The following LRP2 variants were observed in gnomAD, a reference collection of about 807,000 sequenced individuals.
The protein encoded by LRP2 is low-density lipoprotein receptor-related protein 2.
Under a neutral mutation model 531.0 loss-of-function variants are expected in LRP2, and 172 were observed. The ratio of observed to expected loss-of-function variants is 0.32; its 90% CI spans 0.29 to 0.37. The LOEUF (loss-of-function observed/expected upper bound fraction) is 0.37, where lower values mean the gene tolerates loss of function less well. Ranked by LOEUF, LRP2 falls within the 10% of genes least tolerant of loss-of-function variation. The pLI is 1.00. For synonymous variants in LRP2, 1,992 were observed against 2,027.6 expected, an observed-to-expected ratio of 0.98 and a Z score of 0.47; for missense variants, 5,167 against 5,868.3, an observed-to-expected ratio of 0.88 and a Z score of 3.90.
chr2:169,170,693 G>A (rs1333620572), intron 58 of LRP2, 26 bp from the exon 59 acceptor site: 2 of 1,486,462 alleles, frequency 1.3e-6, no homozygotes, highest in Admixed American at 3.3e-5. Context: ...ACCTGGCCAT[G>A]AGTGTGCACC....
intron 1 of LRP2, among the ~76,000 whole-genome samples, chr2:169,355,589 C>G (rs1685966949): frequency 6.6e-6 from 1 of 152,326 alleles, no homozygotes; most frequent in South Asian, 2.1e-4. Context: ...CCCTGAGATG[C>G]AACTGAAACT....
chr2:169,237,620 A>G (rs868401958), intron 27 of LRP2, among the ~76,000 whole-genome samples: 11 of 152,256 alleles, frequency 7.2e-5, no homozygotes, highest in African/African-American at 2.7e-4. Flanking sequence ...TAGTGTTTGC[A>G]TGCAACGAAT....
rs1240361382 is a variant in LRP2, at chr2:169,206,748, T to C, written c.6972A>G (p.Arg2324=). Residue 2324 remains arginine, a synonymous_variant, in exon 39 of 79, where the codon AGA becomes AGG. Coordinates refer to ENST00000649046, the MANE Select transcript of LRP2 (RefSeq NM_004525.3). ...TVIRDNINWL[R]DVTIFDKQVQ... ...CTTGCTTGTCAAAGATGGTCACATC[T>C]CTTAGCCAGTTGATATTGTCTCTTA... 6 of 1,614,050 alleles carry C rather than the reference T, an allele frequency of 3.7e-6. No homozygotes were observed. Among genetic ancestry groups the C allele is most frequent in the African/African-American group, 1.3e-5 (1 of 74,922 alleles).
intron 1 of LRP2, among the ~76,000 whole-genome samples, chr2:169,336,536 T>TCACA (rs61573424): frequency 0.079 from 11,543 of 145,952 alleles, 481 homozygotes; most frequent in Middle Eastern, 0.094. Context: ...CAAGACTCCA[T>TCACA]CACACACACA....
chr2:169,233,492 C>T lies in LRP2; in HGVS notation c.5017G>A (p.Gly1673Arg). ...TACATTACAACTGACTGGTTCCCTC[C>T]ATGCCACTTGTTGGCTCGCATAACC... ...RRVMRANKWH[G>R]GNQSVVMYNI... Residue 1673 changes from glycine (G) to arginine (R), a missense_variant, in exon 30 of 79, where the codon GGA becomes AGA. By Grantham distance (125) the Gly-to-Arg change is moderately radical. Around this residue, in one of 6 missense-constraint regions of LRP2, gnomAD observed 2,811 missense variants for 3,058.0 expected, o/e 0.92. Coordinates refer to ENST00000649046, the MANE Select transcript of LRP2 (RefSeq NM_004525.3). 1 of 1,614,148 alleles carries T rather than the reference C, an allele frequency of 6.2e-7. No individual in the cohort carries two copies. The highest frequency in any genetic ancestry group is 2.2e-5 in the East Asian group (1 of 44,878).
intron 60 of LRP2, 64 bp from the exon 61 acceptor site, chr2:169,168,740 C>A: frequency 6.4e-7 from 1 of 1,566,560 alleles, no homozygotes; most frequent in Non-Finnish European, 8.8e-7. Context: ...GGGAAGCTTC[C>A]TGCTATTTCT....
At chr2:169,132,805 C>T (rs1441179037) in intron 76 of LRP2, 124 bp from the exon 77 acceptor site, 2 of 696,344 alleles carry the variant, frequency 2.9e-6, no homozygotes, top group Non-Finnish European at 5.3e-6. Context: ...CATCATCAGG[C>T]ACCATTTTTA....
At chr2:169,255,973 C>T (rs1690289863) in intron 19 of LRP2, 133 bp downstream of exon 19, 2 of 843,544 alleles carry the variant, frequency 2.4e-6, no homozygotes, top group East Asian at 2.8e-5. Context: ...AAATATATAG[C>T]ACCATTTTAA....
rs1473611416 is a variant in LRP2 at position 169,336,426 on chromosome 2, G to A, written c.80-15542C>T. ...GCGGTGGCATGCACCTGTAATCCCA[G>A]CTACTCAGGAGGCTGAGGCAGGAGA... On this transcript the variant is annotated intron_variant, in intron 1 of 78. Transcript: ENST00000649046. Among the ~76,000 whole-genome samples, 6 of 152,064 alleles carry A rather than the reference G, an allele frequency of 3.9e-5. No individual in the cohort carries two copies. The East Asian group carries it at 9.6e-4, about 24-fold the overall frequency.
chr2:169,167,768 A>G (rs950919415), intron 61 of LRP2, among the ~76,000 whole-genome samples: 8 of 151,908 alleles, frequency 5.3e-5, no homozygotes, highest in Non-Finnish European at 1.2e-4. Context: ...GACTCAAAGC[A>G]TGTAGCAAAA....
Position 169,270,364 on chromosome 2 carries a change from C to A in LRP2, c.2320+540G>T, listed in dbSNP as rs150221382. ...AAAACTTGGAACCAACCCAAATGTTCATCAATGATAGACTGGATTAAGAAA... is the reference window on the plus strand; with the variant it reads ...AAAACTTGGAACCAACCCAAATGTTAATCAATGATAGACTGGATTAAGAAA... On this transcript the variant is annotated intron_variant, in intron 16 of 78. Transcript: ENST00000649046. 4.7e-3 allele frequency among the ~76,000 whole-genome samples: 708 copies of A among 152,240 alleles called. 10 individuals carry two copies. Among genetic ancestry groups the A allele is most frequent in the African/African-American group, 0.016 (668 of 41,562 alleles).
chr2:169,311,855 A>C (rs1684607213), intron 3 of LRP2, among the ~76,000 whole-genome samples: 1 of 152,070 alleles, frequency 6.6e-6, no homozygotes, highest in Non-Finnish European at 1.5e-5. Context: ...GTAGGTCTCT[A>C]AGGACTTGCT....
At chr2:169,136,085 T>G (rs1045968859) in intron 76 of LRP2, among the ~76,000 whole-genome samples, 1 of 151,088 alleles carries the variant, frequency 6.6e-6, no homozygotes, top group Non-Finnish European at 1.5e-5. Flanking sequence ...TTAATACCTG[T>G]TTTTCTCCTT....
chr2:169,207,292 AAG>A (rs1341079774), intron 38 of LRP2, 42 bp from the exon 39 acceptor site: 1 of 1,421,456 alleles, frequency 7.0e-7, no homozygotes, highest in East Asian at 2.3e-5. Context: ...ATGGAGAACC[AAG>A]AAGAAAAAAA....
chr2:169,154,444 CA>C lies in LRP2; in HGVS notation c.12295+15del, dbSNP rs748555399. 2 of 1,609,418 alleles carry C rather than the reference CA, an allele frequency of 1.2e-6. No individual in the cohort carries two copies. The highest frequency in any genetic ancestry group is 3.3e-5 in the Admixed American group (2 of 59,948). On this transcript the variant is annotated intron_variant, in intron 66 of 78. Transcript: ENST00000649046. ...GTCACTTAATATCAATGAAAGATGC[CA>C]AAGTTTATACTCACTGAGGCCTATG... is the stretch of plus-strand genomic sequence containing the variant.
chr2:169,140,411 G>T (rs1249702645), intron 72 of LRP2, 44 bp downstream of exon 72: 6 of 1,506,926 alleles, frequency 4.0e-6, no homozygotes, highest in Non-Finnish European at 5.5e-6. Context: ...AATTTCCCCA[G>T]AAGAGGCAAG....
intron 16 of LRP2, among the ~76,000 whole-genome samples, chr2:169,261,521 CA>C (rs34719462): frequency 2.3e-3 from 301 of 129,430 alleles, no homozygotes; most frequent in Middle Eastern, 8.0e-3. Context: ...TGTACTCATT[CA>C]AAAAAAAAAA....
chr2:169,311,315 C>T (rs1252772027), intron 3 of LRP2, among the ~76,000 whole-genome samples: 2 of 152,126 alleles, frequency 1.3e-5, no homozygotes, highest in Non-Finnish European at 2.9e-5. Flanking sequence ...TTAGATCTTT[C>T]CTGCTTTCTC....
intron 46 of LRP2, 102 bp downstream of exon 46, chr2:169,196,809 G>A (rs1688019297): frequency 2.1e-5 from 32 of 1,513,428 alleles, no homozygotes; most frequent in Non-Finnish European, 2.9e-5. Flanking sequence ...GGAAGTCCAA[G>A]CATTCAGCAG....
Sources: gnomAD v4.1 joint callset for allele counts (sites outside exome capture counted in the v4.1 genomes callset) on GRCh38, gnomAD v4.1.1 for gene constraint, gnomAD v4.1.1 regional missense constraint, MANE v1.5 for transcripts, NCBI Gene and HGNC (gene_info 2026-07-23, HGNC 2026-07-21) for gene names.